The following ZFPM2 variants were observed in gnomAD, a reference collection of about 807,000 sequenced individuals.
ZFPM2 encodes zinc finger protein, FOG family member 2.
ZFPM2 carries 20 observed loss-of-function variants against 98.6 expected under a neutral mutation model. The ratio of observed to expected loss-of-function variants is 0.20; its 90% CI spans 0.14 to 0.29. ZFPM2 has a LOEUF of 0.29. Among genes scored for constraint, ZFPM2 ranks in the 10% least tolerant of loss-of-function variants. The probability of loss-of-function intolerance (pLI) is 1.00; values close to 1 mark genes in which losing one functional copy is unlikely to be tolerated. For synonymous variants in ZFPM2, 518 were observed against 502.7 expected (o/e 1.03, Z -0.41); for missense variants, 1,310 against 1,388.6 (o/e 0.94, Z 0.90).
At chr8:105,680,832 TATAAC>T (rs1335826713) in intron 5 of ZFPM2, among the ~76,000 whole-genome samples, 15 of 152,266 alleles carry the variant, frequency 9.9e-5, no homozygotes, top group African/African-American at 2.9e-4. Context: ...ACTATATTCT[TATAAC>T]ATGAAAGTAA....
At chr8:105,426,510 G>T (rs900362806) in intron 2 of ZFPM2, among the ~76,000 whole-genome samples, 19 of 152,066 alleles carry the variant, frequency 1.2e-4, no homozygotes, top group African/African-American at 4.1e-4. Flanking sequence ...TGACATTATT[G>T]TTCCTTGGCA....
rs533548486 is a variant in ZFPM2 at position 105,384,435 on chromosome 8, C to T, written c.41-34709C>T. On this transcript the variant is annotated intron_variant, in intron 1 of 7. Coordinates refer to ENST00000407775, the MANE Select transcript of ZFPM2 (RefSeq NM_012082.4). ...CAGTTAATCCCAGGAGGTGGATTAT[C>T]CATAGAGTTCCCCAGTAGGCTCATT... Among the ~76,000 whole-genome samples, 53 of 152,072 alleles carry T rather than the reference C, an allele frequency of 3.5e-4. 1 individual carries two copies. The highest frequency in any genetic ancestry group is 3.4e-3 in the Admixed American group (52 of 15,272).
In ZFPM2 at chr8:105,465,999, A is replaced by G. The variant is rs557975240; in HGVS notation, c.301+21618A>G. Among the ~76,000 whole-genome samples the G allele has an allele frequency of 3.9e-5, 6 of 152,140 alleles. No individual in the cohort carries two copies. The South Asian group carries it at 1.0e-3, about 26-fold the overall frequency. ...CTAAACATTCAAGTGAGAGCATTTT[A>G]AAAGTGAAGATTTTCTGCTGTATGT... On this transcript the variant is annotated intron_variant, in intron 3 of 7. Transcript: ENST00000407775.
intron 5 of ZFPM2, among the ~76,000 whole-genome samples, chr8:105,733,331 T>C (rs989464734): frequency 2.0e-5 from 3 of 151,874 alleles, no homozygotes; most frequent in African/African-American, 7.2e-5. Flanking sequence ...ATAGTACAGA[T>C]GGGTCTAAGG....
intron 3 of ZFPM2, among the ~76,000 whole-genome samples, chr8:105,482,893 CCTTCCTTCTT>C (rs1813149138): frequency 1.1e-5 from 1 of 93,616 alleles, no homozygotes. Context: ...TTCCTTCCTT[CCTTCCTTCTT>C]TCCTTCCTTC....
chr8:105,438,485 G>T (rs1812168966), intron 2 of ZFPM2, among the ~76,000 whole-genome samples: 1 of 152,090 alleles, frequency 6.6e-6, no homozygotes, highest in South Asian at 2.1e-4. Context: ...TCTAATTTTT[G>T]TGGTAACTCT....
At chr8:105,598,565 C>G (rs1424155990) in intron 4 of ZFPM2, among the ~76,000 whole-genome samples, 1 of 152,070 alleles carries the variant, frequency 6.6e-6, no homozygotes, top group Non-Finnish European at 1.5e-5. Flanking sequence ...CTTTTTCTCT[C>G]TCTTTAAAAA....
At chr8:105,654,528 G>A (rs1817245462) in intron 5 of ZFPM2, among the ~76,000 whole-genome samples, 1 of 152,126 alleles carries the variant, frequency 6.6e-6, no homozygotes, top group Non-Finnish European at 1.5e-5. Flanking sequence ...CGGAGACACA[G>A]AGATAGTCCT....
chr8:105,461,406 C>T (rs1427386088), intron 3 of ZFPM2, among the ~76,000 whole-genome samples: 1 of 152,020 alleles, frequency 6.6e-6, no homozygotes, highest in African/African-American at 2.4e-5. Flanking sequence ...TCCTGATTTC[C>T]TTTGGGCTTT....
intron 3 of ZFPM2, among the ~76,000 whole-genome samples, chr8:105,444,857 G>A (rs1812335396): frequency 6.6e-6 from 1 of 152,022 alleles, no homozygotes; most frequent in Non-Finnish European, 1.5e-5. Context: ...TCATTTTGAT[G>A]AGGAAAATTA....
intron 5 of ZFPM2, among the ~76,000 whole-genome samples, chr8:105,712,433 G>C (rs1182710426): frequency 6.6e-6 from 1 of 152,052 alleles, no homozygotes; most frequent in African/African-American, 2.4e-5. Flanking sequence ...TTGTGAGGTA[G>C]ACAGTATTAC....
chr8:105,535,693 T>G (rs1814435713), intron 3 of ZFPM2, among the ~76,000 whole-genome samples: 1 of 152,116 alleles, frequency 6.6e-6, no homozygotes, highest in Admixed American at 6.6e-5. Flanking sequence ...ATTCATCTGA[T>G]TATTATAGCC....
intron 3 of ZFPM2, among the ~76,000 whole-genome samples, chr8:105,465,178 G>A (rs1344018037): frequency 1.3e-5 from 2 of 151,848 alleles, no homozygotes; most frequent in African/African-American, 2.4e-5. Flanking sequence ...TGCAGAAGGA[G>A]CAAAAAATAT....
chr8:105,586,872 G>A (rs1815730846), intron 4 of ZFPM2, among the ~76,000 whole-genome samples: 1 of 127,470 alleles, frequency 7.8e-6, no homozygotes, highest in Non-Finnish European at 1.8e-5. Flanking sequence ...ATATTCTTTT[G>A]AGCAGACATA....
chr8:105,431,555 A>C (rs570399864), intron 2 of ZFPM2, among the ~76,000 whole-genome samples: 60 of 152,276 alleles, frequency 3.9e-4, no homozygotes, highest in Middle Eastern at 6.8e-3. Flanking sequence ...CATTAATAAA[A>C]TAATCACTCA....
intron 5 of ZFPM2, among the ~76,000 whole-genome samples, chr8:105,718,518 A>G (rs1051217651): frequency 6.6e-6 from 1 of 152,024 alleles, no homozygotes; most frequent in African/African-American, 2.4e-5. Context: ...TTGTACTAAA[A>G]ATTAAGTAAG....
intron 3 of ZFPM2, among the ~76,000 whole-genome samples, chr8:105,453,861 G>T (rs1003624927): frequency 1.1e-4 from 17 of 152,028 alleles, no homozygotes; most frequent in Admixed American, 9.2e-4. Flanking sequence ...CTGACCTCAA[G>T]TGATCCACCC....
chr8:105,789,657 C>T (rs1199386805), intron 6 of ZFPM2, among the ~76,000 whole-genome samples: 3 of 151,996 alleles, frequency 2.0e-5, no homozygotes, highest in African/African-American at 4.8e-5. Context: ...GAGGAATCGC[C>T]ACACTGACTT....
At chr8:105,586,433 A>G (rs1402789935) in intron 4 of ZFPM2, among the ~76,000 whole-genome samples, 1 of 151,542 alleles carries the variant, frequency 6.6e-6, no homozygotes, top group Non-Finnish European at 1.5e-5. Flanking sequence ...TTTATTTATT[A>G]TTTTTTTGAG....
Sources: gnomAD v4.1 joint callset for allele counts (sites outside exome capture counted in the v4.1 genomes callset) on GRCh38, gnomAD v4.1.1 for gene constraint, MANE v1.5 for transcripts, NCBI Gene and HGNC (gene_info 2026-07-23, HGNC 2026-07-21) for gene names.